CLPB: variants seen among roughly 807,000 people sequenced by gnomAD.
CLPB encodes ClpB family mitochondrial disaggregase.
CLPB carries 40 observed loss-of-function variants against 78.4 expected under a neutral mutation model. The observed-to-expected ratio is 0.51, with a 90% CI of 0.40 to 0.66. The LOEUF (loss-of-function observed/expected upper bound fraction) is 0.66. Ranked by LOEUF, CLPB falls within the 30% of genes least tolerant of loss-of-function variation. The pLI, the probability that CLPB is intolerant of heterozygous loss-of-function variation, is 0.00. For missense variants in CLPB, 780 were observed against 886.9 expected, an observed-to-expected ratio of 0.88 and a Z score of 1.53; for synonymous variants, 333 against 348.0, an observed-to-expected ratio of 0.96 and a Z score of 0.48.
At chr11:72,345,746 T>C (rs897105668) in intron 5 of CLPB, among the ~76,000 whole-genome samples, 6 of 152,180 alleles carry the variant, frequency 3.9e-5, no homozygotes, top group Non-Finnish European at 7.3e-5. Context: ...TTAACCCAAC[T>C]GTATTTCAAA....
intron 5 of CLPB, chr11:72,337,078 G>A: frequency 2.5e-6 from 1 of 398,682 alleles, no homozygotes; most frequent in Non-Finnish European, 4.4e-6. Context: ...CATCCAGTAT[G>A]TATGGGGCTA....
At chr11:72,327,485 A>C (rs1206603129) in intron 6 of CLPB, among the ~76,000 whole-genome samples, 1 of 152,220 alleles carries the variant, frequency 6.6e-6, no homozygotes, top group Non-Finnish European at 1.5e-5. Context: ...CCCTGTAATA[A>C]TGTGGCCAAC....
At chr11:72,356,730 G>C (rs560453586) in intron 5 of CLPB, among the ~76,000 whole-genome samples, 1 of 152,318 alleles carries the variant, frequency 6.6e-6, no homozygotes, top group East Asian at 1.9e-4. Flanking sequence ...TGGCCTGGGG[G>C]TGAGGATAGA....
chr11:72,334,767 G>A (rs559838946), intron 5 of CLPB, among the ~76,000 whole-genome samples: 71 of 152,334 alleles, frequency 4.7e-4, no homozygotes, highest in African/African-American at 1.6e-3. Flanking sequence ...GCTAATCGCA[G>A]GTCATCCGTC....
chr11:72,371,782 C>T (rs557315829), intron 4 of CLPB, among the ~76,000 whole-genome samples: 1 of 152,230 alleles, frequency 6.6e-6, no homozygotes, highest in South Asian at 2.1e-4. Flanking sequence ...CACCTGTCAA[C>T]CCTCCATACA....
At chr11:72,393,442 CT>C (rs1415166905) in intron 3 of CLPB, among the ~76,000 whole-genome samples, 1 of 152,194 alleles carries the variant, frequency 6.6e-6, no homozygotes, top group Non-Finnish European at 1.5e-5. Context: ...GCATTTTAAT[CT>C]TTGCAACCAC....
At chr11:72,391,448 A>G (rs1415397054) in intron 3 of CLPB, among the ~76,000 whole-genome samples, 1 of 152,174 alleles carries the variant, frequency 6.6e-6, no homozygotes, top group Non-Finnish European at 1.5e-5. Context: ...CTTTCCCACT[A>G]GACTATGGGG....
chr11:72,426,655 A>T (rs1048564758), intron 2 of CLPB, among the ~76,000 whole-genome samples: 5 of 152,192 alleles, frequency 3.3e-5, no homozygotes, highest in African/African-American at 7.2e-5. Context: ...AGGTACACTG[A>T]AAAGTCAATA....
chr11:72,413,520 AC>A lies in CLPB; in HGVS notation c.456-10469del, dbSNP rs200149251. Reference sequence around the variant, plus strand: ...TAGTACCAGAGCATTCTCTTACAGAACCACTAACTAATGATGATAAAATTCA... The same window carrying A: ...TAGTACCAGAGCATTCTCTTACAGAACACTAACTAATGATGATAAAATTCA... On this transcript the variant is annotated intron_variant, in intron 2 of 15. Coordinates refer to ENST00000538039, the MANE Select transcript of CLPB (RefSeq NM_001258392.3). Among the ~76,000 whole-genome samples, 912 of 152,292 alleles carry A rather than the reference AC, an allele frequency of 6.0e-3. 13 individuals are homozygous for A. Among genetic ancestry groups the A allele is most frequent in the African/African-American group, 0.021 (873 of 41,554 alleles).
chr11:72,386,677 T>C (rs538810299), intron 3 of CLPB, among the ~76,000 whole-genome samples: 1 of 152,210 alleles, frequency 6.6e-6, no homozygotes, highest in Non-Finnish European at 1.5e-5. Context: ...GTGACCTAAA[T>C]CAGTTAAGTG....
At chr11:72,364,937 T>C (rs914491509) in intron 4 of CLPB, among the ~76,000 whole-genome samples, 4 of 152,158 alleles carry the variant, frequency 2.6e-5, no homozygotes, top group African/African-American at 7.2e-5. Flanking sequence ...AGGACTGGAA[T>C]AGACATTTCT....
chr11:72,318,535 T>C (rs902188338), intron 6 of CLPB, among the ~76,000 whole-genome samples: 6 of 152,200 alleles, frequency 3.9e-5, no homozygotes, highest in African/African-American at 1.2e-4. Flanking sequence ...CACTAACATC[T>C]TTCTGGAAAG....
intron 2 of CLPB, among the ~76,000 whole-genome samples, chr11:72,411,352 A>G (rs1855871308): frequency 6.6e-6 from 1 of 152,222 alleles, no homozygotes; most frequent in African/African-American, 2.4e-5. Context: ...GGCTGAGGAC[A>G]TTTGTGGATA....
chr11:72,375,331 T>C (rs1854656515), intron 4 of CLPB, among the ~76,000 whole-genome samples: 1 of 152,120 alleles, frequency 6.6e-6, no homozygotes, highest in Non-Finnish European at 1.5e-5. Flanking sequence ...GAGAATGAGC[T>C]CCCTAGAACT....
At chr11:72,328,940 C>T (rs768058589) in intron 6 of CLPB, among the ~76,000 whole-genome samples, 2 of 152,178 alleles carry the variant, frequency 1.3e-5, no homozygotes, top group Non-Finnish European at 2.9e-5. Flanking sequence ...GGGCAGGCCA[C>T]GTGGGCAGTG....
At chr11:72,350,797 G>C (rs1950600568) in intron 5 of CLPB, among the ~76,000 whole-genome samples, 1 of 152,192 alleles carries the variant, frequency 6.6e-6, no homozygotes, top group Non-Finnish European at 1.5e-5. Flanking sequence ...GTTTTGAGAG[G>C]CATGGAGGAT....
rs1424808040 is a variant in CLPB at position 72,293,342 on chromosome 11, G to T, written c.*25C>A. 2 of 1,608,496 alleles carry T rather than the reference G, an allele frequency of 1.2e-6. No individual in the cohort carries two copies. The highest frequency in any genetic ancestry group is 2.7e-5 in the African/African-American group (2 of 74,836). On this transcript the variant is annotated 3_prime_UTR_variant, in exon 16 of 16. Coordinates refer to ENST00000538039, the MANE Select transcript of CLPB (RefSeq NM_001258392.3). ...AAGGGGCCTTTATTGGATGGTGAGG[G>T]CACATAGGAGCAGGCAGGTGGCTGC...
rs749905039 is a variant in CLPB at position 72,293,481 on chromosome 11, C to T, written c.1920G>A (p.Gln640=). 2.4e-5 allele frequency: 38 copies of T among 1,614,178 alleles called. No individual in the cohort carries two copies. The highest frequency in any genetic ancestry group is 3.2e-5 in the Non-Finnish European group (38 of 1,180,024). The change falls in exon 16 of 16, where the codon CAG becomes CAA. Residue 640 remains glutamine, a synonymous_variant. Transcript: ENST00000538039. ...LLKSPELPSP[Q]AEKRLPKLRL... Reference sequence around the variant, plus strand: ...GCAGCTTGGGGAGGCGCTTCTCAGCCTGGGGTGAGGGCAGTTCTGGGCTTT... The same window carrying T: ...GCAGCTTGGGGAGGCGCTTCTCAGCTTGGGGTGAGGGCAGTTCTGGGCTTT...
At chr11:72,342,779 T>C (rs1950444288) in intron 5 of CLPB, among the ~76,000 whole-genome samples, 1 of 152,202 alleles carries the variant, frequency 6.6e-6, no homozygotes, top group African/African-American at 2.4e-5. Context: ...AATTACACTG[T>C]TAACGTCTGG....
Sources: gnomAD v4.1 joint callset for allele counts (sites outside exome capture counted in the v4.1 genomes callset) on GRCh38, gnomAD v4.1.1 for gene constraint, MANE v1.5 for transcripts, NCBI Gene and HGNC (gene_info 2026-07-23, HGNC 2026-07-21) for gene names.